Variants in MEF2C observed in about 807,000 individuals in gnomAD.
MEF2C encodes myocyte-specific enhancer factor 2C.
A neutral mutation model predicts 50.5 loss-of-function variants in MEF2C; 6 were observed. The ratio of observed to expected loss-of-function variants is 0.12; its 90% CI spans 0.07 to 0.23. MEF2C has a LOEUF of 0.23. Ranked by LOEUF, MEF2C falls within the 10% of genes least tolerant of loss-of-function variation. MEF2C has a pLI of 1.00. For missense variants in MEF2C, 276 were observed against 605.0 expected (o/e 0.46, Z 5.70); for synonymous variants, 183 against 228.0 (o/e 0.80, Z 1.78).
chr5:88,846,998 C>T (rs772869397), intron 1 of MEF2C, among the ~76,000 whole-genome samples: 7 of 152,088 alleles, frequency 4.6e-5, no homozygotes, highest in Non-Finnish European at 1.0e-4. Context: ...TGCAAAAGCA[C>T]AAAATATTTT....
chr5:88,843,230 A>G (rs1007048650), intron 1 of MEF2C: 2 of 526,618 alleles, frequency 3.8e-6, no homozygotes, highest in African/African-American at 2.3e-5. Flanking sequence ...TTTTAATTCT[A>G]TGGTAAAAAA....
At chr5:88,841,424 T>C (rs866524820) in intron 1 of MEF2C, among the ~76,000 whole-genome samples, 1 of 151,720 alleles carries the variant, frequency 6.6e-6, no homozygotes, top group Non-Finnish European at 1.5e-5. Flanking sequence ...AGAGGATCGT[T>C]TGAGCCCAGG....
intron 3 of MEF2C, among the ~76,000 whole-genome samples, chr5:88,803,020 AGTT>A (rs1798986473): frequency 6.6e-6 from 1 of 152,178 alleles, no homozygotes; most frequent in African/African-American, 2.4e-5. Flanking sequence ...TTTAGTAAAT[AGTT>A]GTTTTGTTTT....
chr5:88,757,676 G>A lies in MEF2C; in HGVS notation c.402+3509C>T, dbSNP rs904044555. Among the ~76,000 whole-genome samples the A allele has an allele frequency of 2.0e-5, 3 of 152,188 alleles. No homozygotes were observed. In the East Asian group the frequency reaches 5.8e-4, roughly 29 times the overall value. On this transcript the variant is annotated intron_variant, in intron 4 of 10. Transcript: ENST00000504921. ...CACACCTGTGATACCAGCACTTTGG[G>A]AGGCCGAGACGGGCGGATCACTTGA...
At chr5:88,871,151 A>G (rs1259470349) in intron 1 of MEF2C, among the ~76,000 whole-genome samples, 1 of 152,074 alleles carries the variant, frequency 6.6e-6, no homozygotes, top group African/African-American at 2.4e-5. Context: ...CAAATTTTAA[A>G]CTGAAGATGA....
intron 3 of MEF2C, chr5:88,772,687 G>A (rs984481428): frequency 1.3e-5 from 12 of 958,854 alleles, no homozygotes; most frequent in African/African-American, 7.1e-5. Flanking sequence ...CACATAATAC[G>A]TGACATTCAA....
intron 1 of MEF2C, among the ~76,000 whole-genome samples, chr5:88,890,516 G>A (rs1834423051): frequency 6.6e-6 from 1 of 152,130 alleles, no homozygotes. Context: ...CTGTCCCTCA[G>A]TTCCACTGGC....
intron 1 of MEF2C, among the ~76,000 whole-genome samples, chr5:88,892,432 C>T (rs1039326932): frequency 6.6e-6 from 1 of 152,194 alleles, no homozygotes. Flanking sequence ...TGACAAACTG[C>T]GGTAAAAATT....
At chr5:88,903,473 C>A (rs1388292805) in intron 1 of MEF2C, among the ~76,000 whole-genome samples, 21 of 151,966 alleles carry the variant, frequency 1.4e-4, no homozygotes, top group African/African-American at 4.6e-4. Context: ...AGCATGCACA[C>A]ATTTTAAAAA....
chr5:88,795,968 C>A (rs973947348), intron 3 of MEF2C, among the ~76,000 whole-genome samples: 1 of 152,142 alleles, frequency 6.6e-6, no homozygotes, highest in African/African-American at 2.4e-5. Context: ...GTTGATCCAG[C>A]CTTGCATCCC....
At chr5:88,869,154 TG>T (rs892783925) in intron 1 of MEF2C, among the ~76,000 whole-genome samples, 1 of 150,990 alleles carries the variant, frequency 6.6e-6, no homozygotes, top group Admixed American at 6.6e-5. Context: ...TTTATATTGC[TG>T]GATTTGTCTA....
At chr5:88,844,494 C>A (rs1398579073) in intron 1 of MEF2C, 1 of 178,712 alleles carries the variant, frequency 5.6e-6, no homozygotes, top group African/African-American at 2.4e-5. Context: ...TAAAAATACA[C>A]CTCGAAGTTT....
rs1420675558 is a variant in MEF2C at position 88,799,907 on chromosome 5, CACACACAGAGAG to C, written c.258+4679_258+4690del. Among the ~76,000 whole-genome samples the C allele has an allele frequency of 2.0e-3, 181 of 90,856 alleles. 1 individual carries two copies. The highest frequency in any genetic ancestry group is 5.0e-3 in the Middle Eastern group (1 of 200). 59.6% of individuals were successfully genotyped at this position (90,856 alleles called of 152,430 possible). A position where few individuals can be genotyped will look rare whatever the true frequency, so the allele number is the denominator to read the frequency against. ...ACACACACACACACACACACACACACACACACAGAGAGAGAGACACACATGTTCTTCCTCTAA... is the reference window on the plus strand; with the variant it reads ...ACACACACACACACACACACACACACAGAGACACACATGTTCTTCCTCTAA... On this transcript the variant is annotated intron_variant, in intron 3 of 10. Transcript: ENST00000504921.
Position 88,742,584 on chromosome 5 carries a change from A to G in MEF2C, c.637+6486T>C, listed in dbSNP as rs1767347172. 4.1e-6 allele frequency: 4 copies of G among 984,586 alleles called. No homozygotes were observed. In the African/African-American group the frequency reaches 7.0e-5, roughly 17 times the overall value. 61.0% of individuals were successfully genotyped at this position (984,586 alleles called of 1,614,324 possible). ...AAACAAAGGGCTCTAAAATCTGCTA[A>G]AACACTCTCTAGGAAGTTATAACCT... On this transcript the variant is annotated intron_variant, in intron 6 of 10. Coordinates refer to ENST00000504921, the MANE Select transcript of MEF2C (RefSeq NM_002397.5).
At chr5:88,866,131 C>T (rs1304919261) in intron 1 of MEF2C, among the ~76,000 whole-genome samples, 1 of 152,172 alleles carries the variant, frequency 6.6e-6, no homozygotes, top group Non-Finnish European at 1.5e-5. Flanking sequence ...CTCCTAACCT[C>T]GTGATCCGCC....
chr5:88,871,974 T>C (rs1222215697), intron 1 of MEF2C, among the ~76,000 whole-genome samples: 2 of 152,040 alleles, frequency 1.3e-5, no homozygotes, highest in East Asian at 3.8e-4. Context: ...TTCATCTTTA[T>C]GGGAAAATAC....
rs541753662 is a variant in MEF2C at position 88,774,333 on chromosome 5, C to T, written c.259-13005G>A. 4.1e-4 allele frequency among the ~76,000 whole-genome samples: 54 copies of T among 133,038 alleles called. No homozygotes were observed. In the South Asian group the frequency reaches 0.01, roughly 25 times the overall value. The allele number at this position is 133,038 out of a possible 152,430, so 87.3% of individuals were successfully genotyped here. ...TTTCTTTTCTGCAAATAAGTTTCTA[C>T]CTCTTTTTTTTTTTTTTCTCGCTCT... On this transcript the variant is annotated intron_variant, in intron 3 of 10. Transcript: ENST00000504921.
chr5:88,873,605 A>G (rs1830175340), intron 1 of MEF2C, among the ~76,000 whole-genome samples: 1 of 151,846 alleles, frequency 6.6e-6, no homozygotes, highest in Admixed American at 6.6e-5. Context: ...CAGTCTTGGA[A>G]GGGATATTGC....
chr5:88,743,702 A>G (rs1161560137), intron 6 of MEF2C: 1 of 985,274 alleles, frequency 1.0e-6, no homozygotes, highest in Non-Finnish European at 1.2e-6. Flanking sequence ...TGGAAACCAG[A>G]TCTCTTATTC....
Sources: allele counts gnomAD v4.1 joint callset (sites outside exome capture counted in the v4.1 genomes callset), GRCh38; gene constraint gnomAD v4.1.1; transcripts MANE v1.5; gene names NCBI Gene and HGNC (gene_info 2026-07-23, HGNC 2026-07-21).